The following BRWD3 variants were observed in gnomAD, a reference collection of about 807,000 sequenced individuals.
BRWD3 encodes bromodomain and WD repeat domain containing 3, also known as bromodomain and WD repeat-containing protein 3.
A neutral mutation model predicts 149.7 loss-of-function variants in BRWD3; 10 were observed. That is an observed-to-expected ratio of 0.07 (90% confidence interval 0.04 to 0.11). The LOEUF is 0.11. BRWD3 is among the 10% of genes least tolerant of loss of function. The probability of loss-of-function intolerance (pLI) is 1.00; values close to 1 mark genes in which losing one functional copy is unlikely to be tolerated. For synonymous variants in BRWD3, 504 were observed against 456.7 expected, an observed-to-expected ratio of 1.10 and a Z score of -1.32; for missense variants, 940 against 1,373.2, an observed-to-expected ratio of 0.68 and a Z score of 4.99.
intron 4 of BRWD3, among the ~76,000 whole-genome samples, chrX:80,798,039 G>A (rs1352688844): frequency 5.4e-5 from 6 of 110,753 alleles, no homozygotes. Flanking sequence ...AGGTTGCAGT[G>A]AGCCGAGATC....
rs1439892669 is a variant in BRWD3 at position 80,688,037 on chromosome X, A to G, written c.3864+32T>C. On this transcript the variant is annotated intron_variant, in intron 34 of 40. Coordinates refer to ENST00000373275, the MANE Select transcript of BRWD3 (RefSeq NM_153252.5). ...TCACTGACACAGGAAACCTGAAAACATATCTCCTCAGCAGTTCACTTATTT... is the reference window on the plus strand; with the variant it reads ...TCACTGACACAGGAAACCTGAAAACGTATCTCCTCAGCAGTTCACTTATTT... 6 of 1,123,707 alleles carry G rather than the reference A, an allele frequency of 5.3e-6. No homozygotes were observed. In the South Asian group the frequency reaches 5.5e-5, roughly 10 times the overall value. 92.6% of individuals were successfully genotyped at this position (1,123,707 alleles called of 1,213,427 possible). A position where few individuals can be genotyped will look rare whatever the true frequency, so the allele number is the denominator to read the frequency against.
chrX:80,739,814 A>C (rs940859238), intron 8 of BRWD3, among the ~76,000 whole-genome samples: 1 of 111,982 alleles, frequency 8.9e-6, no homozygotes, highest in African/African-American at 3.2e-5. Context: ...TTATAACAAT[A>C]TACTATAATA....
chrX:80,745,498 C>CA (rs2073580057), intron 7 of BRWD3, 71 bp downstream of exon 7: 13 of 1,008,861 alleles, frequency 1.3e-5, no homozygotes, highest in Admixed American at 2.5e-5. Context: ...AAGCACAATG[C>CA]AATGCCATGC....
rs149017241 is a variant in BRWD3 at position 80,781,685 on chromosome X, C to G, written c.430+10169G>C. 5.2e-3 allele frequency among the ~76,000 whole-genome samples: 576 copies of G among 111,236 alleles called. 1 individual carries two copies. Among genetic ancestry groups the G allele is most frequent in the South Asian group, 0.012 (31 of 2,670 alleles). On this transcript the variant is annotated intron_variant, in intron 6 of 40. Coordinates refer to ENST00000373275, the MANE Select transcript of BRWD3 (RefSeq NM_153252.5). ...CAGTTTAGAAATATAAGCATGCATA[C>G]AAAAATCAGTAGCATTTCTATATGC...
intron 19 of BRWD3, 117 bp downstream of exon 19, chrX:80,717,456 G>T: frequency 1.4e-6 from 1 of 701,483 alleles, no homozygotes; most frequent in Non-Finnish European, 2.2e-6. Context: ...AAAAACTAAT[G>T]CATGACTAAA....
chrX:80,740,951 G>A (rs1344250616), intron 8 of BRWD3, among the ~76,000 whole-genome samples: 1 of 110,863 alleles, frequency 9.0e-6, no homozygotes, highest in Non-Finnish European at 1.9e-5. Context: ...GAGTACATGT[G>A]CACAACATGC....
intron 22 of BRWD3, among the ~76,000 whole-genome samples, chrX:80,705,733 A>G (rs896982861): frequency 1.5e-4 from 17 of 112,172 alleles, no homozygotes; most frequent in African/African-American, 5.2e-4. Flanking sequence ...TGCTAAGTAT[A>G]TATCTACACA....
rs142283513 is a variant in BRWD3 at position 80,747,296 on chromosome X, G to A, written c.431-1567C>T. 7.2e-3 allele frequency among the ~76,000 whole-genome samples: 784 copies of A among 109,332 alleles called. 7 individuals carry two copies. The highest frequency in any genetic ancestry group is 0.024 in the African/African-American group (728 of 30,085). 94.9% of individuals were successfully genotyped at this position (109,332 alleles called of 115,157 possible). A position where few individuals can be genotyped will look rare whatever the true frequency, so the allele number is the denominator to read the frequency against. On this transcript the variant is annotated intron_variant, in intron 6 of 40. Coordinates refer to ENST00000373275, the MANE Select transcript of BRWD3 (RefSeq NM_153252.5). ...AACCTTTAAACTATTGATATTCTCC[G>A]TTGAATGATTCTTTGCTGTGGGGAC... is the stretch of plus-strand genomic sequence containing the variant.
intron 6 of BRWD3, among the ~76,000 whole-genome samples, chrX:80,762,620 G>T (rs1602405653): frequency 9.0e-6 from 1 of 111,086 alleles, no homozygotes; most frequent in African/African-American, 3.3e-5. Context: ...AATTTTGTGG[G>T]AAAATCAAAA....
intron 6 of BRWD3, among the ~76,000 whole-genome samples, chrX:80,786,517 T>TAA (rs57923356): frequency 3.4e-5 from 2 of 58,741 alleles, no homozygotes; most frequent in African/African-American, 1.2e-4. Context: ...TTAATTTGCC[T>TAA]ATATATATAT....
intron 20 of BRWD3, among the ~76,000 whole-genome samples, chrX:80,713,564 A>G (rs762515347): frequency 1.9e-3 from 212 of 109,956 alleles, no homozygotes; most frequent in Non-Finnish European, 2.5e-3. Context: ...GGAAGGCCGC[A>G]GGGTCCTCTG....
Position 80,733,507 on chromosome X carries a change from A to G in BRWD3, c.1087-11T>C, listed in dbSNP as rs1345806333. On this transcript the variant is annotated splice_polypyrimidine_tract_variant and intron_variant, in intron 11 of 40. Transcript: ENST00000373275. ...AGCAACAACTTTATCCTAAGACATG[A>G]AACAGATTTTTCGTTAAAATGGACT... 6.7e-6 allele frequency: 8 copies of G among 1,188,630 alleles called. No individual in the cohort carries two copies. The South Asian group carries it at 1.4e-4, about 21-fold the overall frequency.
At chrX:80,805,161 A>G (rs2074337372) in intron 4 of BRWD3, among the ~76,000 whole-genome samples, 1 of 111,835 alleles carries the variant, frequency 8.9e-6, no homozygotes, top group Non-Finnish European at 1.9e-5. Context: ...TTCAGAAAAC[A>G]GAAGGCAAGG....
intron 4 of BRWD3, among the ~76,000 whole-genome samples, chrX:80,796,111 TCTAA>T (rs1160233674): frequency 1.8e-5 from 2 of 109,462 alleles, no homozygotes; most frequent in Admixed American, 9.8e-5. Context: ...CAAAGTAAAG[TCTAA>T]CTATAATCAA....
chrX:80,729,782 G>A (rs2073299978), intron 13 of BRWD3, 134 bp downstream of exon 13: 4 of 494,690 alleles, frequency 8.1e-6, no homozygotes, highest in South Asian at 2.9e-5. Flanking sequence ...CTTAGAGGCT[G>A]TACAGATGCA....
chrX:80,748,004 C>T (rs999013652), intron 6 of BRWD3, among the ~76,000 whole-genome samples: 2 of 110,942 alleles, frequency 1.8e-5, no homozygotes, highest in Non-Finnish European at 3.8e-5. Flanking sequence ...ATATAAGTGG[C>T]GAGAATGGGC....
At chrX:80,713,119 A>G (rs1246189832) in intron 20 of BRWD3, among the ~76,000 whole-genome samples, 5 of 95,679 alleles carry the variant, frequency 5.2e-5, no homozygotes, top group South Asian at 5.3e-4. Context: ...GGTGAGGGGC[A>G]CCTCTGCCCG....
In BRWD3 at chrX:80,676,861, T is replaced by A; in HGVS notation, c.5157A>T (p.Gly1719=). 1 of 1,210,809 alleles carries A rather than the reference T, an allele frequency of 8.3e-7. No homozygotes were observed. The highest frequency in any genetic ancestry group is 1.1e-6 in the Non-Finnish European group (1 of 895,149). ...TACGTGCTCGTTTGGCTCTGGTAGC[T>A]CCTCTAGAAGCACCTCTTCCTCCTC... The part of the protein sequence containing the change: ...RGRGGRGASR[G]ATRAKRARIA... The change falls in exon 41 of 41, where the codon GGA becomes GGT. Residue 1719 remains glycine (G), a synonymous_variant. Transcript: ENST00000373275.
chrX:80,688,830 T>C (rs1275743658), intron 33 of BRWD3, among the ~76,000 whole-genome samples: 1 of 110,904 alleles, frequency 9.0e-6, no homozygotes, highest in Non-Finnish European at 1.9e-5. Flanking sequence ...AGAGAAAATA[T>C]AAGGAATATA....
Sources: allele counts gnomAD v4.1 joint callset (sites outside exome capture counted in the v4.1 genomes callset), GRCh38; gene constraint gnomAD v4.1.1; transcripts MANE v1.5; gene names NCBI Gene and HGNC (gene_info 2026-07-23, HGNC 2026-07-21).